Variants in ANKRD45 observed in about 807,000 individuals in gnomAD.
ANKRD45 encodes ankyrin repeat domain 45, also known as ankyrin repeat domain-containing protein 45.
In ANKRD45, 21 loss-of-function variants were observed where a neutral mutation model predicts 28.1. The ratio of observed to expected loss-of-function variants is 0.75; its 90% CI spans 0.53 to 1.08. ANKRD45 has a LOEUF of 1.08. Among genes scored for constraint, ANKRD45 ranks in the 50% least tolerant of loss-of-function variants. The pLI is 0.00. For missense variants in ANKRD45, 261 were observed against 308.7 expected (o/e 0.85, Z 1.16); for synonymous variants, 86 against 103.9 (o/e 0.83, Z 1.05).
chr1:173,642,690 T>C (rs1668753005), intron 3 of ANKRD45, among the ~76,000 whole-genome samples: 1 of 152,240 alleles, frequency 6.6e-6, no homozygotes, highest in Admixed American at 6.5e-5. Flanking sequence ...CATAGCCTGT[T>C]TCTCTTTCCT....
the ANKRD45 span, among the ~76,000 whole-genome samples, chr1:173,681,510 G>T: frequency 6.6e-6 from 1 of 152,054 alleles, no homozygotes; most frequent in Non-Finnish European, 1.5e-5. Context: ...GAAACATTGT[G>T]TACACGACAC....
At chr1:173,612,319 A>AGGAAG (rs1667197792) in intron 5 of ANKRD45, among the ~76,000 whole-genome samples, 2 of 130,236 alleles carry the variant, frequency 1.5e-5, no homozygotes, top group Non-Finnish European at 3.2e-5. Flanking sequence ...AAGGAAGGAA[A>AGGAAG]GAAGGAAGGA....
upstream of ANKRD45, among the ~76,000 whole-genome samples, chr1:173,674,395 A>C (rs78358531): frequency 3.2e-3 from 491 of 152,172 alleles, 1 homozygote; most frequent in African/African-American, 0.011. Context: ...AACCTCAAAA[A>C]TCTGAGACAG....
At chr1:173,612,337 AAG>A (rs1330524097) in intron 5 of ANKRD45, among the ~76,000 whole-genome samples, 1 of 150,612 alleles carries the variant, frequency 6.6e-6, no homozygotes, top group Non-Finnish European at 1.5e-5. Context: ...GGAAGGAAGG[AAG>A]GAAGGAAGGA....
intron 5 of ANKRD45, among the ~76,000 whole-genome samples, chr1:173,617,974 C>T (rs1462235113): frequency 6.6e-6 from 1 of 152,116 alleles, no homozygotes; most frequent in Non-Finnish European, 1.5e-5. Flanking sequence ...GCTGAAACCT[C>T]CAGGTAGAGG....
chr1:173,698,485 C>G, the ANKRD45 span, among the ~76,000 whole-genome samples: 1 of 152,068 alleles, frequency 6.6e-6, no homozygotes, highest in African/African-American at 2.4e-5. Flanking sequence ...CAGACCACAG[C>G]GCAATTAAAT....
the ANKRD45 span, among the ~76,000 whole-genome samples, chr1:173,696,069 C>T: frequency 6.6e-6 from 1 of 152,128 alleles, no homozygotes; most frequent in Non-Finnish European, 1.5e-5. Context: ...ACACCCTATT[C>T]GTACACTCCC....
intron 3 of ANKRD45, among the ~76,000 whole-genome samples, chr1:173,634,770 T>C (rs971796935): frequency 1.3e-5 from 2 of 151,972 alleles, no homozygotes; most frequent in Non-Finnish European, 2.9e-5. Context: ...TTTTTGCTTT[T>C]ACCTCTAGAT....
intron 2 of ANKRD45, among the ~76,000 whole-genome samples, chr1:173,655,027 T>C (rs1019307656): frequency 6.6e-6 from 1 of 152,198 alleles, no homozygotes; most frequent in African/African-American, 2.4e-5. Context: ...TTAGCTTCCT[T>C]GCGATGGGTT....
At position 173,609,868 on chromosome 1, in the gene ANKRD45, G is replaced by T. The variant is rs1000076873; in HGVS notation, c.*277C>A. On this transcript the variant is annotated 3_prime_UTR_variant, in exon 6 of 6. Transcript: ENST00000333279. ...AGAAAATTATTAGATTCTCTGAGTA[G>T]TTCTTAAAGCCTCCACATGGTCTTC... is the stretch of plus-strand genomic sequence containing the variant. 2.9e-6 allele frequency: 1 copy of T among 347,960 alleles called. No homozygotes were observed. Among genetic ancestry groups the T allele is most frequent in the Non-Finnish European group, 5.2e-6 (1 of 193,716 alleles). The allele number at this position is 347,960 out of a possible 1,614,324, so 21.6% of individuals were successfully genotyped here. A position where few individuals can be genotyped will look rare whatever the true frequency, so the allele number is the denominator to read the frequency against.
chr1:173,608,761 C>A lies in ANKRD45; in HGVS notation c.*1384G>T, dbSNP rs538184385. On this transcript the variant is annotated 3_prime_UTR_variant, in exon 6 of 6. Coordinates refer to ENST00000333279, the MANE Select transcript of ANKRD45 (RefSeq NM_198493.3). The stretch of plus-strand genomic sequence containing the variant: ...GAGGCAGACCCTGTCAAGAAGGTTG[C>A]GGGGGTGGAGAGAGAGAGAGAGATA... 1.4e-5 allele frequency among the ~76,000 whole-genome samples: 2 copies of A among 139,680 alleles called. No individual in the cohort carries two copies. The highest frequency in any genetic ancestry group is 5.5e-5 in the African/African-American group (2 of 36,572). The allele number at this position is 139,680 out of a possible 152,430, so 91.6% of individuals were successfully genotyped here. A position where few individuals can be genotyped will look rare whatever the true frequency, so the allele number is the denominator to read the frequency against.
intron 2 of ANKRD45, among the ~76,000 whole-genome samples, chr1:173,654,850 C>A (rs778651103): frequency 6.6e-6 from 1 of 152,112 alleles, no homozygotes; most frequent in Non-Finnish European, 1.5e-5. Flanking sequence ...TTAATTTGAT[C>A]TTCAATCGCT....
At chr1:173,643,643 A>G (rs1167237353) in intron 3 of ANKRD45, among the ~76,000 whole-genome samples, 1 of 152,178 alleles carries the variant, frequency 6.6e-6, no homozygotes, top group Non-Finnish European at 1.5e-5. Context: ...TTTGTTGACA[A>G]GACAATTCAA....
the ANKRD45 span, among the ~76,000 whole-genome samples, chr1:173,698,925 C>A: frequency 6.7e-6 from 1 of 149,482 alleles, no homozygotes; most frequent in African/African-American, 2.5e-5. Flanking sequence ...AGAGTGATAG[C>A]AAGACTAATA....
the ANKRD45 span, among the ~76,000 whole-genome samples, chr1:173,691,445 G>A: frequency 6.6e-6 from 1 of 152,140 alleles, no homozygotes; most frequent in African/African-American, 2.4e-5. Context: ...AAAAGAAATA[G>A]CACTCAAATA....
At chr1:173,648,828 T>C (rs1377359304) in intron 2 of ANKRD45, among the ~76,000 whole-genome samples, 1 of 152,216 alleles carries the variant, frequency 6.6e-6, no homozygotes, top group Non-Finnish European at 1.5e-5. Flanking sequence ...CCTTTTCCTT[T>C]ATATAGTATG....
the ANKRD45 span, among the ~76,000 whole-genome samples, chr1:173,697,414 A>G: frequency 6.6e-6 from 1 of 152,212 alleles, no homozygotes; most frequent in Non-Finnish European, 1.5e-5. Flanking sequence ...GCAGCCAGAG[A>G]GAAAGGTTGG....
chr1:173,656,184 G>T (rs909860584), intron 2 of ANKRD45, among the ~76,000 whole-genome samples: 1 of 152,192 alleles, frequency 6.6e-6, no homozygotes, highest in Non-Finnish European at 1.5e-5. Context: ...CGTCTTCTGC[G>T]TCGATCATGC....
intron 5 of ANKRD45, among the ~76,000 whole-genome samples, chr1:173,620,897 AATAG>A (rs1311724548): frequency 2.0e-5 from 3 of 152,152 alleles, no homozygotes; most frequent in African/African-American, 4.8e-5. Context: ...AAATTAATAA[AATAG>A]ATAGACCACT....
Sources: gnomAD v4.1 joint callset for allele counts (sites outside exome capture counted in the v4.1 genomes callset) on GRCh38, gnomAD v4.1.1 for gene constraint, MANE v1.5 for transcripts, NCBI Gene and HGNC (gene_info 2026-07-23, HGNC 2026-07-21) for gene names.